The following RGS6 variants were observed in gnomAD, a reference collection of about 807,000 sequenced individuals.
RGS6 encodes regulator of G-protein signaling 6.
In RGS6, 30 loss-of-function variants were observed where a neutral mutation model predicts 78.5. The ratio of observed to expected loss-of-function variants is 0.38; its 90% confidence interval spans 0.29 to 0.52. The LOEUF (loss-of-function observed/expected upper bound fraction) is 0.52, where lower values mean the gene tolerates loss of function less well. RGS6 is among the 20% of genes least tolerant of loss of function. The pLI, the probability that RGS6 is intolerant of heterozygous loss-of-function variation, is 0.85. For missense variants in RGS6, 495 were observed against 609.7 expected (o/e 0.81, Z 1.98); for synonymous variants, 206 against 206.0 (o/e 1.00, Z 0.00).
intron 2 of RGS6, among the ~76,000 whole-genome samples, chr14:72,138,140 A>G (rs1429537803): frequency 6.6e-6 from 1 of 152,230 alleles, no homozygotes; most frequent in African/African-American, 2.4e-5. Flanking sequence ...AGCACTACAT[A>G]TAAAGTTTAC....
At chr14:72,285,596 C>T (rs182012858) in intron 2 of RGS6, among the ~76,000 whole-genome samples, 85 of 152,270 alleles carry the variant, frequency 5.6e-4, no homozygotes, top group Non-Finnish European at 1.0e-3. Flanking sequence ...CTCCATACTG[C>T]TTTCCATAGC....
chr14:71,958,834 C>A (rs112045631), intron 1 of RGS6, among the ~76,000 whole-genome samples: 81 of 152,270 alleles, frequency 5.3e-4, no homozygotes, highest in African/African-American at 1.9e-3. Context: ...CACCCTAGGC[C>A]TATTGGATCA....
chr14:72,092,862 A>G (rs986812261), intron 2 of RGS6, among the ~76,000 whole-genome samples: 10 of 152,192 alleles, frequency 6.6e-5, no homozygotes, highest in African/African-American at 2.4e-4. Flanking sequence ...TTGATAAAGT[A>G]TGTCAACTGA....
chr14:71,918,220 A>G, the RGS6 span, among the ~76,000 whole-genome samples: 2 of 139,510 alleles, frequency 1.4e-5, no homozygotes, highest in Non-Finnish European at 3.1e-5. Context: ...AAAAAAAAAA[A>G]AAGCTTCTCA....
chr14:71,942,685 G>T (rs1243950323), intron 1 of RGS6, among the ~76,000 whole-genome samples: 2 of 152,166 alleles, frequency 1.3e-5, no homozygotes, highest in African/African-American at 2.4e-5. Flanking sequence ...GGAGATTCTA[G>T]CTGGCTGAAA....
chr14:71,891,096 G>A, the RGS6 span, among the ~76,000 whole-genome samples: 7 of 152,190 alleles, frequency 4.6e-5, no homozygotes, highest in African/African-American at 1.7e-4. Context: ...CCTGCCAACA[G>A]TTTCCCAGTC....
intron 2 of RGS6, among the ~76,000 whole-genome samples, chr14:72,017,084 G>A (rs2087182340): frequency 6.6e-6 from 1 of 152,088 alleles, no homozygotes; most frequent in African/African-American, 2.4e-5. Context: ...CCAGGCTGGA[G>A]TGCAGTGGTA....
At chr14:72,462,689 C>T (rs1402167410) in intron 6 of RGS6, among the ~76,000 whole-genome samples, 3 of 152,098 alleles carry the variant, frequency 2.0e-5, no homozygotes, top group East Asian at 3.8e-4. Context: ...ATAAATGGAT[C>T]GGTGAATGTC....
chr14:72,552,747 G>A (rs2097524730), intron 17 of RGS6: 1 of 152,198 alleles, frequency 6.6e-6, no homozygotes, highest in Non-Finnish European at 1.5e-5. Context: ...GAAATTCCTT[G>A]ATAAACCGGA....
intron 3 of RGS6, among the ~76,000 whole-genome samples, chr14:72,405,846 C>A (rs180691497): frequency 2.0e-3 from 311 of 152,280 alleles, no homozygotes; most frequent in African/African-American, 7.1e-3. Context: ...AATCAGCTTT[C>A]AGTTTCAATG....
At chr14:71,942,895 A>G (rs2090865469) in intron 1 of RGS6, among the ~76,000 whole-genome samples, 1 of 152,248 alleles carries the variant, frequency 6.6e-6, no homozygotes, top group Non-Finnish European at 1.5e-5. Flanking sequence ...GGCTATGCAA[A>G]TGAATTGTCT....
chr14:72,450,755 G>C (rs75956416), intron 3 of RGS6, among the ~76,000 whole-genome samples: 4,770 of 152,278 alleles, frequency 0.031, 112 homozygotes, highest in Non-Finnish European at 0.045. Context: ...TTTAGAACAG[G>C]AAGGAAAGGG....
the RGS6 span, among the ~76,000 whole-genome samples, chr14:72,600,115 C>A: frequency 6.6e-6 from 1 of 152,096 alleles, no homozygotes; most frequent in Non-Finnish European, 1.5e-5. Flanking sequence ...CCTTTCTTTC[C>A]CCTGCCACAC....
chr14:72,527,657 A>T (rs1156258367), intron 15 of RGS6, among the ~76,000 whole-genome samples: 1 of 152,198 alleles, frequency 6.6e-6, no homozygotes, highest in Non-Finnish European at 1.5e-5. Flanking sequence ...TTGCCACTTG[A>T]CATGTATAAT....
chr14:72,195,746 G>A (rs745632925), intron 2 of RGS6, among the ~76,000 whole-genome samples: 2 of 152,190 alleles, frequency 1.3e-5, no homozygotes, highest in Non-Finnish European at 2.9e-5. Flanking sequence ...GCTATTTGAC[G>A]GTGGTGTGTA....
the RGS6 span, among the ~76,000 whole-genome samples, chr14:72,609,186 T>C: frequency 6.6e-6 from 1 of 152,168 alleles, no homozygotes; most frequent in Admixed American, 6.5e-5. Context: ...TTTGAGAACG[T>C]GCGAGCATTC....
chr14:71,972,282 T>C (rs1326828271), intron 2 of RGS6, among the ~76,000 whole-genome samples: 1 of 151,842 alleles, frequency 6.6e-6, no homozygotes, highest in Non-Finnish European at 1.5e-5. Flanking sequence ...AAAATCTTTG[T>C]GGGCCATTTT....
chr14:71,934,971 G>A (rs1022402250), intron 1 of RGS6, among the ~76,000 whole-genome samples: 8 of 152,098 alleles, frequency 5.3e-5, no homozygotes, highest in African/African-American at 1.9e-4. Flanking sequence ...TCTCAATACC[G>A]GGATTAATTT....
At chr14:72,445,113 T>G (rs920447929) in intron 3 of RGS6, among the ~76,000 whole-genome samples, 5 of 152,242 alleles carry the variant, frequency 3.3e-5, no homozygotes, top group Non-Finnish European at 5.9e-5. Flanking sequence ...CAGTTTTTAA[T>G]AAGGAAAAGG....
Sources: gnomAD v4.1 joint callset for allele counts (sites outside exome capture counted in the v4.1 genomes callset) on GRCh38, gnomAD v4.1.1 for gene constraint, MANE v1.5 for transcripts, NCBI Gene and HGNC (gene_info 2026-07-23, HGNC 2026-07-21) for gene names.